Variants in KMT2C observed in about 807,000 individuals in gnomAD.
The protein encoded by KMT2C is lysine methyltransferase 2C.
Under a neutral mutation model 507.9 loss-of-function variants are expected in KMT2C, and 88 were observed. That is an observed-to-expected ratio of 0.17 (90% confidence interval 0.15 to 0.21). The LOEUF (loss-of-function observed/expected upper bound fraction) is 0.21, where lower values mean the gene tolerates loss of function less well. KMT2C is among the 10% of genes least tolerant of loss of function. The pLI is 1.00. For synonymous variants in KMT2C, 2,049 were observed against 2,080.8 expected, an observed-to-expected ratio of 0.98 and a Z score of 0.42; for missense variants, 4,954 against 5,957.8, an observed-to-expected ratio of 0.83 and a Z score of 5.55.
intron 6 of KMT2C, among the ~76,000 whole-genome samples, chr7:152,275,446 A>T (rs1588813031): frequency 1.3e-5 from 2 of 152,354 alleles, no homozygotes; most frequent in East Asian, 3.9e-4. Context: ...TGGGAGGCTG[A>T]AGCAGGAGAA....
chr7:152,199,215 T>A, intron 27 of KMT2C, 64 bp downstream of exon 27: 1 of 1,319,904 alleles, frequency 7.6e-7, no homozygotes, highest in Non-Finnish European at 1.0e-6. Context: ...TCAAAAAGAT[T>A]TAACTGAAAG....
chr7:152,215,981 C>CT (rs2094573284), intron 23 of KMT2C, among the ~76,000 whole-genome samples: 1 of 152,136 alleles, frequency 6.6e-6, no homozygotes, highest in Non-Finnish European at 1.5e-5. Context: ...GAAGCAGCCA[C>CT]CTTCACCAGA....
At chr7:152,146,772 AG>A (rs777581566) in intron 52 of KMT2C, 37 bp from the exon 53 acceptor site, 191 of 1,584,838 alleles carry the variant, frequency 1.2e-4, no homozygotes, top group Non-Finnish European at 1.5e-4. Context: ...TATAGGAAAT[AG>A]GATACAGTAT....
At chr7:152,164,515 T>A (rs969763277) in intron 42 of KMT2C, among the ~76,000 whole-genome samples, 4 of 151,968 alleles carry the variant, frequency 2.6e-5, no homozygotes, top group Admixed American at 6.6e-5. Flanking sequence ...GGTCTCGATC[T>A]CCTGACCTCG....
At chr7:152,192,057 G>T (rs2093812283) in intron 31 of KMT2C, among the ~76,000 whole-genome samples, 2 of 149,732 alleles carry the variant, frequency 1.3e-5, no homozygotes, top group South Asian at 4.2e-4. Flanking sequence ...AAAAGAAAAA[G>T]AAGTCATCCT....
chr7:152,180,943 G>C lies in KMT2C; in HGVS notation c.6917C>G (p.Pro2306Arg), dbSNP rs773368825. 2 of 1,614,022 alleles carry C rather than the reference G, an allele frequency of 1.2e-6. No individual in the cohort carries two copies. Among genetic ancestry groups the C allele is most frequent in the African/African-American group, 2.7e-5 (2 of 74,914 alleles). Residue 2306 changes from proline to arginine, a missense_variant, in exon 36 of 59, where the codon CCA (proline) becomes CGA (arginine). This residue lies in a region of KMT2C where 1,689 missense variants were observed against 1,654.3 expected (regional missense o/e 1.02). Coordinates refer to ENST00000262189, the MANE Select transcript of KMT2C (RefSeq NM_170606.3). The stretch of plus-strand genomic sequence containing the variant: ...TCCAAAAGAGTCAGACTGAGATCTT[G>C]GAGTCATTGGAGACTGATCATAGGG... ...RDPYDQSPMT[P>R]RSQSDSFGTS...
chr7:152,247,364 T>C (rs575272606), intron 14 of KMT2C, among the ~76,000 whole-genome samples: 1 of 152,234 alleles, frequency 6.6e-6, no homozygotes, highest in South Asian at 2.1e-4. Context: ...TTTTTTTCCA[T>C]GAAACTACTG....
chr7:152,158,810 C>A (rs781325788), intron 44 of KMT2C, 53 bp downstream of exon 44: 6 of 1,544,320 alleles, frequency 3.9e-6, no homozygotes, highest in Non-Finnish European at 4.5e-6. Context: ...CCACTGCCCC[C>A]AGCCTATATC....
chr7:152,212,664 A>C (rs2094481026), intron 23 of KMT2C, among the ~76,000 whole-genome samples: 2 of 152,256 alleles, frequency 1.3e-5, no homozygotes, highest in Non-Finnish European at 2.9e-5. Context: ...TAACATCAAA[A>C]AGAATAAAAC....
intron 1 of KMT2C, among the ~76,000 whole-genome samples, chr7:152,388,154 A>AATATATAAAT (rs1382964951): frequency 6.6e-6 from 1 of 152,106 alleles, no homozygotes; most frequent in Non-Finnish European, 1.5e-5. Flanking sequence ...TCTTATAATG[A>AATATATAAAT]ATATATAAAT....
chr7:152,307,198 GAA>G (rs1491186185), intron 6 of KMT2C, among the ~76,000 whole-genome samples: 623 of 30,010 alleles, frequency 0.021, 11 homozygotes, highest in African/African-American at 0.05. Flanking sequence ...GAAGAGGGAG[GAA>G]GGAAGGAAGG....
chr7:152,294,587 T>C lies in KMT2C; in HGVS notation c.849+15379A>G, dbSNP rs370530212. Among the ~76,000 whole-genome samples, 4 of 151,454 alleles carry C rather than the reference T, an allele frequency of 2.6e-5. No individual in the cohort carries two copies. The East Asian group carries it at 5.8e-4, about 22-fold the overall frequency. On this transcript the variant is annotated intron_variant, in intron 6 of 58. Transcript: ENST00000262189. ...AGTATACTATCATTACATGTGTGAA[T>C]AGCCACTGCACTCCAGCATGAGCAA...
intron 12 of KMT2C, among the ~76,000 whole-genome samples, chr7:152,250,491 T>C (rs185830273): frequency 3.9e-5 from 6 of 152,260 alleles, no homozygotes; most frequent in South Asian, 2.1e-4. Context: ...TAACCCTCAA[T>C]AGGACTGCTG....
chr7:152,215,721 TATACACACAC>T (rs1050410121), intron 23 of KMT2C, among the ~76,000 whole-genome samples: 4 of 141,024 alleles, frequency 2.8e-5, no homozygotes, highest in Admixed American at 1.4e-4. Flanking sequence ...AATATATATA[TATACACACAC>T]ACACACACAC....
intron 23 of KMT2C, among the ~76,000 whole-genome samples, chr7:152,214,499 A>G (rs541208310): frequency 1.3e-5 from 2 of 152,322 alleles, no homozygotes; most frequent in East Asian, 3.9e-4. Context: ...CCTTCAATCT[A>G]ATTTTGGCAT....
intron 7 of KMT2C, among the ~76,000 whole-genome samples, chr7:152,269,708 T>C (rs1427098070): frequency 1.3e-5 from 2 of 152,092 alleles, no homozygotes; most frequent in African/African-American, 4.8e-5. Flanking sequence ...TACTGATCAA[T>C]GAAAGTGATG....
chr7:152,326,080 T>C (rs1194149532), intron 3 of KMT2C, among the ~76,000 whole-genome samples: 1 of 152,210 alleles, frequency 6.6e-6, no homozygotes, highest in African/African-American at 2.4e-5. Flanking sequence ...TGTCTGTTTC[T>C]GTGGTAATAC....
chr7:152,395,330 C>A lies in KMT2C; in HGVS notation c.162-36655G>T, dbSNP rs185560922. Among the ~76,000 whole-genome samples the A allele has an allele frequency of 1.7e-4, 26 of 151,762 alleles. 1 individual carries two copies. The highest frequency in any genetic ancestry group is 6.6e-4 in the Admixed American group (10 of 15,218). ...TCCTGAGTAGCTGGGACTACAGGCACGTGGCCGCACACCTGGCTTTTCTTT... is the reference window on the plus strand; with the variant it reads ...TCCTGAGTAGCTGGGACTACAGGCAAGTGGCCGCACACCTGGCTTTTCTTT... On this transcript the variant is annotated intron_variant, in intron 1 of 58. Coordinates refer to ENST00000262189, the MANE Select transcript of KMT2C (RefSeq NM_170606.3).
At chr7:152,364,153 A>G (rs1337168167) in intron 1 of KMT2C, among the ~76,000 whole-genome samples, 1 of 152,246 alleles carries the variant, frequency 6.6e-6, no homozygotes, top group Non-Finnish European at 1.5e-5. Flanking sequence ...TCAACTGAAC[A>G]ATAATGATTC....
Sources: allele counts gnomAD v4.1 joint callset (sites outside exome capture counted in the v4.1 genomes callset), GRCh38; gene constraint gnomAD v4.1.1; regional missense constraint gnomAD v4.1.1; transcripts MANE v1.5; gene names NCBI Gene and HGNC (gene_info 2026-07-23, HGNC 2026-07-21).